LRP1B: variants seen among roughly 807,000 people sequenced by gnomAD.
The protein encoded by LRP1B is LDL receptor related protein 1B.
Under a neutral mutation model 556.6 loss-of-function variants are expected in LRP1B, and 217 were observed. That is an observed-to-expected ratio of 0.39 (90% CI 0.35 to 0.44). The LOEUF is 0.44. Ranked by LOEUF, LRP1B falls within the 20% of genes least tolerant of loss-of-function variation. The probability of loss-of-function intolerance (pLI) is 1.00; values close to 1 mark genes in which losing one functional copy is unlikely to be tolerated. For synonymous variants in LRP1B, 2,047 were observed against 1,865.8 expected (o/e 1.10, Z -2.50); for missense variants, 5,053 against 5,620.8 (o/e 0.90, Z 3.23).
At chr2:140,479,588 T>C (rs575888637) in intron 59 of LRP1B, among the ~76,000 whole-genome samples, 1 of 152,294 alleles carries the variant, frequency 6.6e-6, no homozygotes, top group South Asian at 2.1e-4. Context: ...TAAATAGAAG[T>C]CTTTCTCAGC....
chr2:141,171,070 T>C (rs1680479844), intron 7 of LRP1B, among the ~76,000 whole-genome samples: 2 of 152,114 alleles, frequency 1.3e-5, no homozygotes, highest in African/African-American at 4.8e-5. Context: ...GAGTAGATGA[T>C]ATAGGGAATT....
At chr2:141,159,258 A>C (rs1199623812) in intron 7 of LRP1B, among the ~76,000 whole-genome samples, 1 of 152,208 alleles carries the variant, frequency 6.6e-6, no homozygotes, top group Non-Finnish European at 1.5e-5. Flanking sequence ...GTAAATGTCT[A>C]ACATAATTTT....
intron 2 of LRP1B, among the ~76,000 whole-genome samples, chr2:141,546,994 C>T (rs1455705778): frequency 6.6e-6 from 1 of 152,146 alleles, no homozygotes; most frequent in Non-Finnish European, 1.5e-5. Flanking sequence ...GTTCCAGCAT[C>T]CCTTTTCCTA....
rs1559175190 is a variant in LRP1B, at chr2:140,886,231, T to C, written c.3871A>G (p.Ile1291Val). 6.2e-7 allele frequency: 1 copy of C among 1,609,244 alleles called. No individual in the cohort carries two copies. Among genetic ancestry groups the C allele is most frequent in the East Asian group, 2.2e-5 (1 of 44,668 alleles). The change falls in exon 24 of 91, where the codon ATA becomes GTA. Residue 1291 changes from isoleucine (I) to valine (V), a missense_variant. Transcript: ENST00000389484. ...SLLVPGLRNT[I>V]ALDFHFNQSL... ...TGATTGAAGTGAAAATCAAGTGCTATTGTGTTTCTCAATCCAGGAACAAGT... is the reference window on the plus strand; with the variant it reads ...TGATTGAAGTGAAAATCAAGTGCTACTGTGTTTCTCAATCCAGGAACAAGT...
At chr2:141,247,428 T>A (rs2105328208) in intron 4 of LRP1B, 74 bp from the exon 5 acceptor site, 1 of 1,558,152 alleles carries the variant, frequency 6.4e-7, no homozygotes, top group Admixed American at 1.8e-5. Context: ...AAGAAAATAT[T>A]ATTTTTGAAC....
At position 140,785,693 on chromosome 2, in the gene LRP1B, C is replaced by T. The variant is rs183240040; in HGVS notation, c.5360-9455G>A. ...AATCTCAATGTTATCCCTAAATATC[C>T]TCCTGATGTATTTAACTGTACAGTA... On this transcript the variant is annotated intron_variant, in intron 32 of 90. Coordinates refer to ENST00000389484, the MANE Select transcript of LRP1B (RefSeq NM_018557.3). 5.9e-5 allele frequency among the ~76,000 whole-genome samples: 9 copies of T among 152,246 alleles called. No homozygotes were observed. The East Asian group carries it at 1.7e-3, about 29-fold the overall frequency.
intron 1 of LRP1B, among the ~76,000 whole-genome samples, chr2:141,839,682 G>A: frequency 6.6e-6 from 1 of 152,100 alleles, no homozygotes; most frequent in East Asian, 1.9e-4. Context: ...ACCTATGAAA[G>A]TAAAGAAAAT....
At chr2:140,430,755 C>T (rs1434837399) in intron 66 of LRP1B, among the ~76,000 whole-genome samples, 3 of 152,212 alleles carry the variant, frequency 2.0e-5, no homozygotes, top group Non-Finnish European at 4.4e-5. Context: ...GCTAGCCCGT[C>T]TCTTAGAACA....
chr2:141,429,533 G>A (rs764207768), intron 3 of LRP1B, among the ~76,000 whole-genome samples: 2 of 152,126 alleles, frequency 1.3e-5, no homozygotes, highest in African/African-American at 4.8e-5. Flanking sequence ...GTGCAGGTTT[G>A]TTACATAGGA....
intron 41 of LRP1B, among the ~76,000 whole-genome samples, chr2:140,609,661 T>A (rs1339211169): frequency 6.6e-6 from 1 of 152,170 alleles, no homozygotes; most frequent in Non-Finnish European, 1.5e-5. Context: ...CAATCTTCTC[T>A]TTTTCTTGCT....
intron 2 of LRP1B, among the ~76,000 whole-genome samples, chr2:141,601,867 G>C (rs761936366): frequency 1.1e-4 from 17 of 152,064 alleles, no homozygotes; most frequent in Admixed American, 6.6e-4. Context: ...TTCCCAGAGT[G>C]CTGGGATTAT....
chr2:140,964,527 TAGACCAAG>T (rs1361225592), intron 18 of LRP1B, among the ~76,000 whole-genome samples: 1 of 151,818 alleles, frequency 6.6e-6, no homozygotes, highest in Non-Finnish European at 1.5e-5. Context: ...ATGTCACCGC[TAGACCAAG>T]GAGCCCTCTG....
At chr2:141,012,898 T>A (rs973528523) in intron 14 of LRP1B, among the ~76,000 whole-genome samples, 5 of 151,890 alleles carry the variant, frequency 3.3e-5, no homozygotes, top group Non-Finnish European at 2.9e-5. Flanking sequence ...TTTAGACTCA[T>A]AAAAAACCTA....
At chr2:140,415,481 TG>T (rs1248181536) in intron 66 of LRP1B, among the ~76,000 whole-genome samples, 5 of 152,176 alleles carry the variant, frequency 3.3e-5, no homozygotes, top group African/African-American at 1.2e-4. Context: ...CCTACCAATA[TG>T]GGATGTCACC....
At chr2:141,575,727 T>C (rs1172405010) in intron 2 of LRP1B, among the ~76,000 whole-genome samples, 3 of 151,088 alleles carry the variant, frequency 2.0e-5, no homozygotes, top group Non-Finnish European at 4.4e-5. Context: ...CCTGAATTTA[T>C]AATGAACTTA....
chr2:140,849,200 CAAAA>C (rs70988447), intron 29 of LRP1B, among the ~76,000 whole-genome samples: 6 of 100,520 alleles, frequency 6.0e-5, no homozygotes, highest in African/African-American at 1.2e-4. Flanking sequence ...ACTAAAAATA[CAAAA>C]AAAAAAAAAA....
chr2:141,615,441 T>A (rs1181762869), intron 2 of LRP1B, among the ~76,000 whole-genome samples: 1 of 152,176 alleles, frequency 6.6e-6, no homozygotes, highest in Non-Finnish European at 1.5e-5. Flanking sequence ...GCCCTGACAC[T>A]CATAGATGAT....
At chr2:140,384,169 G>C (rs1454790423) in intron 67 of LRP1B, among the ~76,000 whole-genome samples, 1 of 152,086 alleles carries the variant, frequency 6.6e-6, no homozygotes, top group East Asian at 1.9e-4. Flanking sequence ...TACAGAGTTG[G>C]CCTCTCATCC....
At chr2:141,675,137 T>C (rs529661069) in intron 2 of LRP1B, among the ~76,000 whole-genome samples, 133 of 152,084 alleles carry the variant, frequency 8.7e-4, no homozygotes, top group African/African-American at 2.8e-3. Flanking sequence ...AAACTCTTTG[T>C]ATATTAATAA....
Sources: allele counts gnomAD v4.1 joint callset (sites outside exome capture counted in the v4.1 genomes callset), GRCh38; gene constraint gnomAD v4.1.1; transcripts MANE v1.5; gene names NCBI Gene and HGNC (gene_info 2026-07-23, HGNC 2026-07-21).